Variants in HERC1 observed in about 807,000 individuals in gnomAD.
HERC1 encodes the protein HECT and RLD domain containing E3 ubiquitin protein ligase family member 1.
HERC1 carries 160 observed loss-of-function variants against 554.3 expected under a neutral mutation model. The ratio of observed to expected loss-of-function variants is 0.29; its 90% CI spans 0.25 to 0.33. The LOEUF (loss-of-function observed/expected upper bound fraction) is 0.33. Ranked by LOEUF, HERC1 falls within the 10% of genes least tolerant of loss-of-function variation. The pLI, the probability that HERC1 is intolerant of heterozygous loss-of-function variation, is 1.00. For synonymous variants in HERC1, 2,175 were observed against 2,131.7 expected, an observed-to-expected ratio of 1.02 and a Z score of -0.56; for missense variants, 4,919 against 5,918.5, an observed-to-expected ratio of 0.83 and a Z score of 5.54.
At chr15:63,715,761 C>T (rs1483110913) in intron 22 of HERC1, among the ~76,000 whole-genome samples, 1 of 152,180 alleles carries the variant, frequency 6.6e-6, no homozygotes, top group Non-Finnish European at 1.5e-5. Flanking sequence ...CCTTTAAAAA[C>T]TATCTGAGCC....
At chr15:63,752,934 T>C (rs2075301791) in intron 8 of HERC1, 24 bp downstream of exon 8, 1 of 1,608,590 alleles carries the variant, frequency 6.2e-7, no homozygotes, top group African/African-American at 1.3e-5. Context: ...CTCTAAGTCT[T>C]TTATACTCAT....
chr15:63,643,479 A>G lies in HERC1; in HGVS notation c.11256T>C (p.Thr3752=). 1 of 1,612,628 alleles carries G rather than the reference A, an allele frequency of 6.2e-7. No individual in the cohort carries two copies. Among genetic ancestry groups the G allele is most frequent in the African/African-American group, 1.3e-5 (1 of 75,054 alleles). ...CCAACCCATCAGAACTAAAGGCAAC[A>G]GTCCGAACAGGAGTGATGTGTCCCC... The part of the protein sequence containing the change: ...QLRGHITPVR[T]VAFSSDGLAL... Residue 3752 remains threonine, a synonymous_variant, in exon 58 of 78, where the codon ACT becomes ACC. Coordinates refer to ENST00000443617, the MANE Select transcript of HERC1 (RefSeq NM_003922.4).
chr15:63,743,749 C>A (rs1230146012), intron 12 of HERC1, among the ~76,000 whole-genome samples: 1 of 152,206 alleles, frequency 6.6e-6, no homozygotes, highest in Non-Finnish European at 1.5e-5. Flanking sequence ...CTTTGACTTT[C>A]CTCAACAAAG....
At position 63,637,517 on chromosome 15, in the gene HERC1, A is replaced by C; in HGVS notation, c.12220T>G (p.Ser4074Ala). Reference protein sequence around the residue: ...SDDLHVLTVISALQGFVVTQL... With the variant: ...SDDLHVLTVIAALQGFVVTQL... ...AGGACAATTTTACCTTGTAAGGCTG[A>C]AATAACTGTCAGCACATGAAGGTCA... Residue 4074 changes from serine to alanine, a missense_variant, in exon 64 of 78, where the codon TCA becomes GCA. By Grantham distance (99) the Ser-to-Ala change is moderately conservative. Around this residue, in one of 11 missense-constraint regions of HERC1, gnomAD observed 122 missense variants for 195.2 expected, o/e 0.63. Transcript: ENST00000443617. The C allele has an allele frequency of 6.4e-7, 1 of 1,568,936 alleles. No individual in the cohort carries two copies. The highest frequency in any genetic ancestry group is 8.7e-7 in the Non-Finnish European group (1 of 1,155,148).
intron 34 of HERC1, among the ~76,000 whole-genome samples, chr15:63,683,769 C>CT (rs2071603418): frequency 6.7e-6 from 1 of 150,098 alleles, no homozygotes; most frequent in African/African-American, 2.5e-5. Flanking sequence ...CAGCCTCTGC[C>CT]TTCCAAGTAC....
intron 36 of HERC1, among the ~76,000 whole-genome samples, chr15:63,679,162 C>T (rs2042219944): frequency 6.6e-6 from 1 of 152,086 alleles, no homozygotes; most frequent in African/African-American, 2.4e-5. Flanking sequence ...AGCACCAGGC[C>T]ATCATTCGAA....
Position 63,725,521 on chromosome 15 carries a change from C to G in HERC1, c.3347-8G>C. ...CAATTAGTTCTGGCCCTCCTAAAGA[C>G]AAAATCATTAGTTATTGTGTCTTTA... is the stretch of plus-strand genomic sequence containing the variant. On this transcript the variant is annotated splice_polypyrimidine_tract_variant and splice_region_variant and intron_variant, in intron 17 of 77. Transcript: ENST00000443617. 1 of 1,608,700 alleles carries G rather than the reference C, an allele frequency of 6.2e-7. No homozygotes were observed. Among genetic ancestry groups the G allele is most frequent in the Non-Finnish European group, 8.5e-7 (1 of 1,175,460 alleles).
rs2072278895 is a variant in HERC1 at position 63,694,210 on chromosome 15, T to C, written c.5481-53A>G. The stretch of plus-strand genomic sequence containing the variant: ...TGGCAAACACACAGAAGGGCAAGCA[T>C]AGTGCTTAAATACATAAAGCAGATT... On this transcript the variant is annotated intron_variant, in intron 29 of 77. Coordinates refer to ENST00000443617, the MANE Select transcript of HERC1 (RefSeq NM_003922.4). The surrounding 1 kb of genome is among the most constrained non-coding windows in gnomAD (Gnocchi z 4.3). The C allele has an allele frequency of 2.6e-6, 4 of 1,564,684 alleles. No individual in the cohort carries two copies. The highest frequency in any genetic ancestry group is 3.5e-6 in the Non-Finnish European group (4 of 1,154,264).
chr15:63,615,743 T>A, intron 76 of HERC1, 25 bp downstream of exon 76: 1 of 1,554,960 alleles, frequency 6.4e-7, no homozygotes. Flanking sequence ...CATTCATGTG[T>A]ACCTCCCGAG....
chr15:63,622,494 G>A (rs138208471), intron 74 of HERC1, among the ~76,000 whole-genome samples: 2,102 of 152,008 alleles, frequency 0.014, 45 homozygotes, highest in African/African-American at 0.048. Flanking sequence ...CACCATGACC[G>A]GCTAATTTTT....
intron 31 of HERC1, among the ~76,000 whole-genome samples, chr15:63,690,872 T>C (rs573539571): frequency 8.5e-5 from 13 of 152,250 alleles, no homozygotes; most frequent in African/African-American, 2.4e-4. Flanking sequence ...GGGAAGAGCA[T>C]TGTAAAAAAG....
At position 63,818,778 on chromosome 15, in the gene HERC1, C is replaced by A. The variant is rs547968846; in HGVS notation, c.-27+15049G>T. ...ACATTTCACTACTGCCACATATCTG[C>A]CTTTTTAGAAGCTACCAGACTTTCT... On this transcript the variant is annotated intron_variant, in intron 1 of 77. Coordinates refer to ENST00000443617, the MANE Select transcript of HERC1 (RefSeq NM_003922.4). Among the ~76,000 whole-genome samples, 184 of 152,316 alleles carry A rather than the reference C, an allele frequency of 1.2e-3. 1 individual carries two copies. Among genetic ancestry groups the A allele is most frequent in the African/African-American group, 4.4e-3 (181 of 41,564 alleles).
At chr15:63,806,717 T>C (rs1305059974) in intron 1 of HERC1, among the ~76,000 whole-genome samples, 1 of 152,228 alleles carries the variant, frequency 6.6e-6, no homozygotes, top group Non-Finnish European at 1.5e-5. Context: ...ATAAATCAGA[T>C]AATAGATTGC....
intron 40 of HERC1, 49 bp downstream of exon 40, chr15:63,669,489 C>T (rs1206045565): frequency 6.4e-6 from 10 of 1,574,728 alleles, no homozygotes; most frequent in South Asian, 2.2e-5. Context: ...AAGTCCCACA[C>T]ATCTGGAATG....
rs367621148 is a variant in HERC1, at chr15:63,674,820, G to C, written c.7368C>G (p.Ser2456Arg). 3 of 1,613,758 alleles carry C rather than the reference G, an allele frequency of 1.9e-6. No homozygotes were observed. The highest frequency in any genetic ancestry group is 1.3e-5 in the African/African-American group (1 of 74,920). The change falls in exon 38 of 78, where the codon AGC (serine) becomes AGG (arginine). Residue 2456 changes from serine (S) to arginine (R), a missense_variant. Transcript: ENST00000443617. ...SDDVKSQSTT[S>R]SKSENEIASF... The stretch of plus-strand genomic sequence containing the variant: ...AAGCGATTTCATTTTCTGATTTGGA[G>C]CTTGTGGTACTCTGACTTTTGACGT...
chr15:63,685,741 AAAG>A (rs564307739), intron 34 of HERC1, among the ~76,000 whole-genome samples: 1 of 152,306 alleles, frequency 6.6e-6, no homozygotes, highest in South Asian at 2.1e-4. Context: ...AGACTGTGCA[AAAG>A]AAGGAGTTAA....
At chr15:63,818,356 A>G (rs559427570) in intron 1 of HERC1, among the ~76,000 whole-genome samples, 14 of 152,302 alleles carry the variant, frequency 9.2e-5, no homozygotes, top group Admixed American at 2.6e-4. Context: ...TATCTTGTGT[A>G]CAAAAACCCT....
At chr15:63,731,368 C>T (rs529888935) in intron 14 of HERC1, among the ~76,000 whole-genome samples, 1 of 152,110 alleles carries the variant, frequency 6.6e-6, no homozygotes, top group African/African-American at 2.4e-5. Context: ...CAGAAAGAGA[C>T]AATAATTTAT....
chr15:63,644,855 G>C (rs533670411), intron 57 of HERC1, 137 bp downstream of exon 57: 1 of 629,594 alleles, frequency 1.6e-6, no homozygotes, highest in Non-Finnish European at 2.8e-6. Context: ...AATTCAGGAT[G>C]ACAATTACTT....
Sources: gnomAD v4.1 joint callset for allele counts (sites outside exome capture counted in the v4.1 genomes callset) on GRCh38, gnomAD v4.1.1 for gene constraint, gnomAD v4.1.1 regional missense constraint, Gnocchi (gnomAD v3.1) non-coding constraint, MANE v1.5 for transcripts, NCBI Gene and HGNC (gene_info 2026-07-23, HGNC 2026-07-21) for gene names.